Variants in BNC2 observed in about 807,000 individuals in gnomAD.
BNC2 encodes basonuclin zinc finger protein 2.
A neutral mutation model predicts 76.3 loss-of-function variants in BNC2; 20 were observed. That is an observed-to-expected ratio of 0.26 (90% CI 0.18 to 0.38). BNC2 has a LOEUF of 0.38. Ranked by LOEUF, BNC2 falls within the 10% of genes least tolerant of loss-of-function variation. The pLI is 1.00. For missense variants in BNC2, 1,382 were observed against 1,399.8 expected, an observed-to-expected ratio of 0.99 and a Z score of 0.20; for synonymous variants, 582 against 514.8, an observed-to-expected ratio of 1.13 and a Z score of -1.77.
chr9:16,503,321 A>G (rs1822559775), intron 5 of BNC2, among the ~76,000 whole-genome samples: 1 of 152,198 alleles, frequency 6.6e-6, no homozygotes, highest in African/African-American at 2.4e-5. Flanking sequence ...TTCCTGGGCC[A>G]AGCTCCAAAC....
intron 5 of BNC2, among the ~76,000 whole-genome samples, chr9:16,527,644 A>G (rs1286598923): frequency 1.3e-5 from 2 of 152,184 alleles, no homozygotes; most frequent in Non-Finnish European, 2.9e-5. Flanking sequence ...GGGAGCGGCT[A>G]AAGAGTTATT....
chr9:16,870,487 G>A (rs1417590530), intron 1 of BNC2, among the ~76,000 whole-genome samples, 159 bp downstream of exon 1: 2 of 151,966 alleles, frequency 1.3e-5, no homozygotes, highest in South Asian at 4.1e-4. Flanking sequence ...TCGGACCGGG[G>A]TTCTGGTCCC....
chr9:16,604,293 T>C (rs531081628), intron 3 of BNC2, among the ~76,000 whole-genome samples: 1 of 152,336 alleles, frequency 6.6e-6, no homozygotes, highest in East Asian at 1.9e-4. Flanking sequence ...GCCCCATTCA[T>C]ATTAATTAAA....
At chr9:16,460,597 T>C (rs766112132) in intron 5 of BNC2, among the ~76,000 whole-genome samples, 2 of 152,120 alleles carry the variant, frequency 1.3e-5, no homozygotes, top group Non-Finnish European at 2.9e-5. Flanking sequence ...CACTCTAGCC[T>C]GTGTGACAGG....
intron 5 of BNC2, among the ~76,000 whole-genome samples, chr9:16,552,058 G>A (rs545244573): frequency 1.9e-3 from 284 of 152,172 alleles, no homozygotes; most frequent in African/African-American, 6.5e-3. Flanking sequence ...TGAGTTGGCT[G>A]AAAAAACAAT....
chr9:16,787,649 A>C (rs1398999023), intron 1 of BNC2, among the ~76,000 whole-genome samples: 1 of 152,122 alleles, frequency 6.6e-6, no homozygotes, highest in Non-Finnish European at 1.5e-5. Context: ...GAATCACCTA[A>C]AGAGGGTAAC....
chr9:16,454,543 A>G (rs1215931465), intron 5 of BNC2, among the ~76,000 whole-genome samples: 1 of 152,160 alleles, frequency 6.6e-6, no homozygotes, highest in Non-Finnish European at 1.5e-5. Flanking sequence ...AGTTCAAGTA[A>G]TCCTCCTGCC....
chr9:16,453,904 T>C (rs915969720), intron 5 of BNC2, among the ~76,000 whole-genome samples: 2 of 152,200 alleles, frequency 1.3e-5, no homozygotes, highest in African/African-American at 4.8e-5. Context: ...TGCCCCAATC[T>C]ACCTTTTATG....
In BNC2 at chr9:16,412,720, G is replaced by GA. The variant is rs1820490534; in HGVS notation, c.*6268_*6269insT. ...AATAAGAGGGAAGGAGAGAGAGAGGGGAGAGAGAGAGAGAGAGAGAGAGAG... is the reference window on the plus strand; with the variant it reads ...AATAAGAGGGAAGGAGAGAGAGAGGGAGAGAGAGAGAGAGAGAGAGAGAGAG... On this transcript the variant is annotated 3_prime_UTR_variant, in exon 7 of 7. Transcript: ENST00000380672. The GA allele has an allele frequency of 8.3e-6, 1 of 119,866 alleles. No individual in the cohort carries two copies. The highest frequency in any genetic ancestry group is 8.9e-5 in the Admixed American group (1 of 11,180). 7.4% of individuals were successfully genotyped at this position (119,866 alleles called of 1,614,324 possible).
At chr9:16,868,148 G>C (rs1401367180) in intron 1 of BNC2, 1 of 152,190 alleles carries the variant, frequency 6.6e-6, no homozygotes, top group Non-Finnish European at 1.5e-5. Flanking sequence ...GATGAAACGA[G>C]AGGTCTGGGC....
chr9:16,609,404 G>A (rs1820476827), intron 3 of BNC2, among the ~76,000 whole-genome samples: 1 of 152,136 alleles, frequency 6.6e-6, no homozygotes, highest in South Asian at 2.1e-4. Flanking sequence ...TCATGGAGGT[G>A]AACTGAGATA....
chr9:16,579,462 T>C (rs1819570378), intron 4 of BNC2, among the ~76,000 whole-genome samples: 1 of 152,008 alleles, frequency 6.6e-6, no homozygotes, highest in African/African-American at 2.4e-5. Context: ...TTTGTACTTT[T>C]TGTAGAGACA....
At chr9:16,452,187 G>T (rs554993108) in intron 5 of BNC2, among the ~76,000 whole-genome samples, 1 of 152,254 alleles carries the variant, frequency 6.6e-6, no homozygotes, top group African/African-American at 2.4e-5. Flanking sequence ...AATCTTCATT[G>T]TTTTTTCCCC....
intron 3 of BNC2, among the ~76,000 whole-genome samples, chr9:16,598,527 G>A (rs1820156149): frequency 6.6e-6 from 1 of 152,150 alleles, no homozygotes; most frequent in South Asian, 2.1e-4. Flanking sequence ...ATTCCTGGTA[G>A]GCTTGGCTGT....
At chr9:16,769,555 G>T (rs16935018) in intron 1 of BNC2, among the ~76,000 whole-genome samples, 2,479 of 152,266 alleles carry the variant, frequency 0.016, 71 homozygotes, top group African/African-American at 0.057. Flanking sequence ...GCTCAGGGAG[G>T]CCATGCAGCT....
intron 3 of BNC2, among the ~76,000 whole-genome samples, chr9:16,639,418 T>C (rs984021394): frequency 6.6e-5 from 10 of 152,330 alleles, no homozygotes; most frequent in African/African-American, 2.4e-4. Context: ...CTAACATATG[T>C]ATTTCAAAAA....
intron 1 of BNC2, among the ~76,000 whole-genome samples, chr9:16,835,423 G>C (rs1818683683): frequency 6.6e-6 from 1 of 152,188 alleles, no homozygotes; most frequent in Non-Finnish European, 1.5e-5. Context: ...ACTTGGCCAG[G>C]CATGGTGGCT....
At chr9:16,671,660 G>C (rs1390817129) in intron 3 of BNC2, among the ~76,000 whole-genome samples, 1 of 152,180 alleles carries the variant, frequency 6.6e-6, no homozygotes, top group African/African-American at 2.4e-5. Context: ...CCTCCCATGA[G>C]ATTTGAGAAG....
chr9:16,632,646 G>C (rs1821196279), intron 3 of BNC2, among the ~76,000 whole-genome samples: 1 of 152,158 alleles, frequency 6.6e-6, no homozygotes, highest in Non-Finnish European at 1.5e-5. Context: ...AATGCAGACA[G>C]CATACACTTA....
Sources: allele counts gnomAD v4.1 joint callset (sites outside exome capture counted in the v4.1 genomes callset), GRCh38; gene constraint gnomAD v4.1.1; transcripts MANE v1.5; gene names NCBI Gene and HGNC (gene_info 2026-07-23, HGNC 2026-07-21).